Variants in HS3ST6 observed in about 807,000 individuals in gnomAD.
The protein encoded by HS3ST6 is heparan sulfate glucosamine 3-O-sulfotransferase 6.
A neutral mutation model predicts 11.0 loss-of-function variants in HS3ST6; 13 were observed. That is an observed-to-expected ratio of 1.18 (90% CI 0.77 to 1.88). The LOEUF is 1.88. Among genes scored for constraint, HS3ST6 ranks in the 40% most tolerant of loss-of-function variants. HS3ST6 has a pLI of 0.00. For synonymous variants in HS3ST6, 232 were observed against 230.6 expected (o/e 1.01, Z -0.06); for missense variants, 541 against 494.4 (o/e 1.09, Z -0.89).
At chr16:1,916,693 A>G (rs564651547) in intron 1 of HS3ST6, among the ~76,000 whole-genome samples, 21 of 151,980 alleles carry the variant, frequency 1.4e-4, no homozygotes, top group Middle Eastern at 3.4e-3. Flanking sequence ...TGTTTACTCC[A>G]GTTAACTGTG....
Position 1,912,311 on chromosome 16 carries a change from C to T in HS3ST6, c.414-106G>A, listed in dbSNP as rs2082896765. The T allele has an allele frequency of 9.4e-7, 1 of 1,061,382 alleles. No homozygotes were observed. The highest frequency in any genetic ancestry group is 1.6e-5 in the African/African-American group (1 of 60,614). The allele number at this position is 1,061,382 out of a possible 1,614,324, so 65.7% of individuals were successfully genotyped here. ...CTTATGCCCGGGAAGCCCAGGCCTC[C>T]AGGGCGAGCAAGTCTTCCTCCCTGC... On this transcript the variant is annotated intron_variant, in intron 1 of 1. Transcript: ENST00000454677. This position sits in a 1 kb window ranked among gnomAD's most constrained non-coding sequence, Gnocchi z 5.6.
rs2150846311 is a variant in HS3ST6 at position 1,917,274 on chromosome 16, G to T, written c.413+637C>A. The stretch of plus-strand genomic sequence containing the variant: ...GCAGCCACCAGCGCGGGCTGCTTCA[G>T]CTGAGGCTGCCGCACCCCCACGTCC... On this transcript the variant is annotated intron_variant, in intron 1 of 1. Transcript: ENST00000454677. Among the ~76,000 whole-genome samples the T allele has an allele frequency of 1.3e-5, 2 of 152,210 alleles. 1 individual carries two copies. The highest frequency in any genetic ancestry group is 4.2e-4 in the South Asian group (2 of 4,814).
chr16:1,920,593 C>T (rs554501112), upstream of HS3ST6, among the ~76,000 whole-genome samples: 1 of 152,232 alleles, frequency 6.6e-6, no homozygotes, highest in African/African-American at 2.4e-5. Context: ...CGTCTCTCTG[C>T]TGGATGCTTT....
At chr16:1,918,760 C>G (rs1450873487), upstream of HS3ST6, among the ~76,000 whole-genome samples, 5 of 152,178 alleles carry the variant, frequency 3.3e-5, no homozygotes, top group Non-Finnish European at 7.4e-5. The surrounding 1 kb of genome is among the most constrained non-coding windows in gnomAD (Gnocchi z 6.0). Flanking sequence ...CTTCCCCCCC[C>G]ACCCCACTCC....
chr16:1,919,252 A>ACC (rs2082947864), upstream of HS3ST6, among the ~76,000 whole-genome samples: 1 of 152,124 alleles, frequency 6.6e-6, no homozygotes. Flanking sequence ...GGACTCAGGG[A>ACC]CCCCTGTGCT....
At chr16:1,917,353 C>T (rs2082932787) in intron 1 of HS3ST6, among the ~76,000 whole-genome samples, 1 of 152,188 alleles carries the variant, frequency 6.6e-6, no homozygotes, top group Non-Finnish European at 1.5e-5. Flanking sequence ...GCTGGACTCA[C>T]CCTGGGCACT....
At chr16:1,918,707 G>A (rs911733150), upstream of HS3ST6, among the ~76,000 whole-genome samples, 4 of 151,598 alleles carry the variant, frequency 2.6e-5, no homozygotes, top group Non-Finnish European at 5.9e-5. The surrounding 1 kb of genome is among the most constrained non-coding windows in gnomAD (Gnocchi z 6.0). Flanking sequence ...CAGGGACAGG[G>A]CGGCGCGCGG....
Position 1,912,404 on chromosome 16 carries a change from C to G in HS3ST6, c.414-199G>C, listed in dbSNP as rs932947794. 1.3e-5 allele frequency among the ~76,000 whole-genome samples: 2 copies of G among 151,998 alleles called. No individual in the cohort carries two copies. The highest frequency in any genetic ancestry group is 4.8e-5 in the African/African-American group (2 of 41,398). On this transcript the variant is annotated intron_variant, in intron 1 of 1. Transcript: ENST00000454677. This position sits in a 1 kb window ranked among gnomAD's most constrained non-coding sequence, Gnocchi z 5.6. Reference sequence around the variant, plus strand: ...ACATGGACTGTGAGGGTGCCCAGCCCGGCACCTGCCTGCAGCCCGGCCTGT... The same window carrying G: ...ACATGGACTGTGAGGGTGCCCAGCCGGGCACCTGCCTGCAGCCCGGCCTGT...
At chr16:1,916,485 T>C (rs868650354) in intron 1 of HS3ST6, among the ~76,000 whole-genome samples, 15 of 151,882 alleles carry the variant, frequency 9.9e-5, no homozygotes, top group African/African-American at 3.4e-4. Context: ...CTGCCTCTCA[T>C]CCTCCCCAAA....
In HS3ST6 at chr16:1,911,935, G is replaced by T. The variant is rs372109673; in HGVS notation, c.684C>A (p.Tyr228Ter). The part of the protein sequence containing the change: ...TAWSAVRIGL[Y>*]AQHLDHWLRY... Reference sequence around the variant, plus strand: ...GCAGCCAGTGGTCCAGGTGCTGGGCGTACAGGCCGATGCGGACGGCGCTCC... The same window carrying T: ...GCAGCCAGTGGTCCAGGTGCTGGGCTTACAGGCCGATGCGGACGGCGCTCC... The change falls in exon 2 of 2, where the codon TAC becomes TAA. Residue 228 changes from tyrosine to a stop codon, truncating the protein, a stop_gained. Transcript: ENST00000454677. LOFTEE classifies it low-confidence loss of function (END_TRUNC). The T allele has an allele frequency of 6.3e-7, 1 of 1,594,782 alleles. No individual in the cohort carries two copies. The highest frequency in any genetic ancestry group is 8.6e-7 in the Non-Finnish European group (1 of 1,169,472).
intron 1 of HS3ST6, among the ~76,000 whole-genome samples, chr16:1,913,053 A>G (rs2082902040): frequency 6.6e-6 from 1 of 152,076 alleles, no homozygotes; most frequent in South Asian, 2.1e-4. Flanking sequence ...CAGCCTCCCA[A>G]AGTGCTGGGA....
chr16:1,913,072 G>A (rs1428897058), intron 1 of HS3ST6, among the ~76,000 whole-genome samples: 1 of 152,174 alleles, frequency 6.6e-6, no homozygotes, highest in East Asian at 1.9e-4. Flanking sequence ...GATTACAGAC[G>A]TGAGCCACTG....
chr16:1,919,312 C>G (rs756653349), upstream of HS3ST6, among the ~76,000 whole-genome samples: 8 of 152,172 alleles, frequency 5.3e-5, no homozygotes, highest in Non-Finnish European at 4.4e-5. Context: ...CTCTGAGGGG[C>G]GTGAGATTCA....
In HS3ST6 at chr16:1,912,577, C is replaced by T. The variant is rs954637739; in HGVS notation, c.414-372G>A. On this transcript the variant is annotated intron_variant, in intron 1 of 1. Transcript: ENST00000454677. This position sits in a 1 kb window ranked among gnomAD's most constrained non-coding sequence, Gnocchi z 5.6. ...CAGAGCCAGCTCCCTCCCACCGGACCCACACTTTCCTGGAACTAGGCTGCC... is the reference window on the plus strand; with the variant it reads ...CAGAGCCAGCTCCCTCCCACCGGACTCACACTTTCCTGGAACTAGGCTGCC... Among the ~76,000 whole-genome samples the T allele has an allele frequency of 3.3e-5, 5 of 152,234 alleles. No homozygotes were observed. The highest frequency in any genetic ancestry group is 7.4e-5 in the Non-Finnish European group (5 of 68,006).
chr16:1,911,609 T>TG lies in HS3ST6; in HGVS notation c.1009dup (p.Gln337ProfsTer41). ...TGCCGCTCAGCCCCAGCCGAAGTCC[T>TG]GGCCCGTCATCTGGTAGAACCTGCG... On this transcript the variant is annotated frameshift_variant, in exon 2 of 2. Coordinates refer to ENST00000454677, the MANE Select transcript of HS3ST6 (RefSeq NM_001009606.4). LOFTEE classifies it high-confidence loss of function. 6.2e-7 allele frequency: 1 copy of TG among 1,605,482 alleles called. No homozygotes were observed. Among genetic ancestry groups the TG allele is most frequent in the Non-Finnish European group, 8.5e-7 (1 of 1,176,272 alleles).
At chr16:1,920,910 G>A (rs2082960977), upstream of HS3ST6, among the ~76,000 whole-genome samples, 2 of 152,332 alleles carry the variant, frequency 1.3e-5, no homozygotes, top group Non-Finnish European at 2.9e-5. Context: ...GGGTATACGT[G>A]GGAGGAGAGG....
chr16:1,917,797 C>T lies in HS3ST6; in HGVS notation c.413+114G>A, dbSNP rs994055387. 2.8e-5 allele frequency: 24 copies of T among 852,366 alleles called. No individual in the cohort carries two copies. In the Admixed American group the frequency reaches 4.1e-4, roughly 15 times the overall value. The allele number at this position is 852,366 out of a possible 1,614,324, so 52.8% of individuals were successfully genotyped here. On this transcript the variant is annotated intron_variant, in intron 1 of 1. Transcript: ENST00000454677. ...CCACAGGGCGGTCCCAACCCCACTG[C>T]CCGGAGCGCACCCCTGCTCCCTGGG...
intron 1 of HS3ST6, among the ~76,000 whole-genome samples, chr16:1,914,702 TG>T (rs2082914681): frequency 6.6e-6 from 1 of 152,106 alleles, no homozygotes; most frequent in Admixed American, 6.6e-5. Context: ...CGTAGGGGGA[TG>T]GGGTTCCCGG....
At chr16:1,913,182 C>T (rs2082903157) in intron 1 of HS3ST6, among the ~76,000 whole-genome samples, 1 of 152,248 alleles carries the variant, frequency 6.6e-6, no homozygotes, top group South Asian at 2.1e-4. Context: ...GAGCCCAGCA[C>T]ATGTGAGGAA....
Sources: gnomAD v4.1 joint callset for allele counts (sites outside exome capture counted in the v4.1 genomes callset) on GRCh38, gnomAD v4.1.1 for gene constraint, Gnocchi (gnomAD v3.1) non-coding constraint, MANE v1.5 for transcripts, NCBI Gene and HGNC (gene_info 2026-07-23, HGNC 2026-07-21) for gene names.